The following ANKRD44 variants were observed in gnomAD, a reference collection of about 807,000 sequenced individuals.
ANKRD44 encodes the protein serine/threonine-protein phosphatase 6 regulatory ankyrin repeat subunit B.
In ANKRD44, 35 loss-of-function variants were observed where a neutral mutation model predicts 116.0. The observed-to-expected ratio is 0.30, with a 90% CI of 0.23 to 0.40. The LOEUF is 0.40. Ranked by LOEUF, ANKRD44 falls within the 10% of genes least tolerant of loss-of-function variation. ANKRD44 has a pLI of 1.00. For missense variants in ANKRD44, 1,014 were observed against 1,242.6 expected (o/e 0.82, Z 2.77); for synonymous variants, 435 against 461.8 (o/e 0.94, Z 0.74).
At chr2:196,982,945 CAT>C (rs1385953171), downstream of ANKRD44, among the ~76,000 whole-genome samples, 1 of 152,148 alleles carries the variant, frequency 6.6e-6, no homozygotes, top group African/African-American at 2.4e-5. Context: ...TCAAACACCA[CAT>C]GTTCTCACTC....
intron 9 of ANKRD44, among the ~76,000 whole-genome samples, chr2:197,103,825 T>G (rs1429940420): frequency 6.6e-6 from 1 of 152,162 alleles, no homozygotes; most frequent in African/African-American, 2.4e-5. Flanking sequence ...TTCCTCCCAG[T>G]TGTATGTATG....
chr2:197,102,969 C>T (rs2078330766), intron 9 of ANKRD44, among the ~76,000 whole-genome samples: 1 of 151,952 alleles, frequency 6.6e-6, no homozygotes, highest in Non-Finnish European at 1.5e-5. Flanking sequence ...GTGGCTCATG[C>T]CTGTAATCCC....
intron 2 of ANKRD44, among the ~76,000 whole-genome samples, chr2:197,170,190 C>CAAAAAAAAAAAAAAAAAA (rs71012960): frequency 8.3e-6 from 1 of 119,786 alleles, no homozygotes. Flanking sequence ...ACCCTGTTTC[C>CAAAAAAAAAAAAAAAAAA]AAAAAAAAAA....
chr2:197,041,235 T>C (rs535897820), intron 16 of ANKRD44, among the ~76,000 whole-genome samples: 1 of 152,272 alleles, frequency 6.6e-6, no homozygotes, highest in South Asian at 2.1e-4. Flanking sequence ...TCCAATGAAC[T>C]CTTCTTAGGC....
At chr2:197,280,638 C>G (rs2083236768) in intron 1 of ANKRD44, among the ~76,000 whole-genome samples, 2 of 152,152 alleles carry the variant, frequency 1.3e-5, no homozygotes, top group Admixed American at 6.5e-5. Flanking sequence ...TCTTGATAAG[C>G]CTCGCGGATG....
At chr2:197,289,204 T>C (rs766503198) in intron 1 of ANKRD44, among the ~76,000 whole-genome samples, 3 of 151,994 alleles carry the variant, frequency 2.0e-5, no homozygotes, top group Admixed American at 6.6e-5. Context: ...AAAGAAAAAA[T>C]ACCAAAAAAC....
At chr2:197,009,461 C>T (rs1221393854) in intron 18 of ANKRD44, among the ~76,000 whole-genome samples, 7 of 151,934 alleles carry the variant, frequency 4.6e-5, no homozygotes, top group Admixed American at 3.9e-4. Context: ...CTGCAACCTC[C>T]GCCTCCCGAG....
rs1368550050 is a variant in ANKRD44 at position 197,078,771 on chromosome 2, G to A, written c.1582C>T (p.Arg528Trp). 15 of 1,612,616 alleles carry A rather than the reference G, an allele frequency of 9.3e-6. No homozygotes were observed. The highest frequency in any genetic ancestry group is 1.6e-4 in the Middle Eastern group (1 of 6,076). Reference sequence around the variant, plus strand: ...ATGCTATTGTAACCTTCCTTGTCCCGGATAGATGGATTTGCATCATTTTGA... The same window carrying A: ...ATGCTATTGTAACCTTCCTTGTCCCAGATAGATGGATTTGCATCATTTTGA... ...LLQNDANPSIRDKEGYNSIHY... is the reference protein window; with the variant it reads ...LLQNDANPSIWDKEGYNSIHY... Residue 528 changes from arginine to tryptophan, a missense_variant, in exon 16 of 28, where the codon CGG becomes TGG. Coordinates refer to ENST00000282272, the MANE Select transcript of ANKRD44 (RefSeq NM_001195144.2).
chr2:197,165,427 G>A (rs1345587670), intron 2 of ANKRD44, among the ~76,000 whole-genome samples: 1 of 152,216 alleles, frequency 6.6e-6, no homozygotes, highest in Non-Finnish European at 1.5e-5. Context: ...ACAGCCACTT[G>A]TAATTTCTGG....
In ANKRD44 at chr2:197,162,009, C is replaced by T. The variant is rs557650843; in HGVS notation, c.112-14904G>A. On this transcript the variant is annotated intron_variant, in intron 2 of 27. Transcript: ENST00000282272. ...GTCTCGTGACTTGGAGGGTCTGCTC[C>T]TCTATCACCTACCTTCTTTCCACCA... is the stretch of plus-strand genomic sequence containing the variant. Among the ~76,000 whole-genome samples the T allele has an allele frequency of 1.1e-4, 16 of 152,298 alleles. No individual in the cohort carries two copies. The South Asian group carries it at 1.2e-3, about 12-fold the overall frequency.
intron 2 of ANKRD44, among the ~76,000 whole-genome samples, chr2:197,153,444 G>A (rs2079715687): frequency 6.6e-6 from 1 of 151,920 alleles, no homozygotes; most frequent in African/African-American, 2.4e-5. Context: ...AAGAAACTCT[G>A]AACACATACA....
intron 16 of ANKRD44, among the ~76,000 whole-genome samples, chr2:197,037,552 A>G (rs137863101): frequency 1.3e-5 from 2 of 152,366 alleles, no homozygotes; most frequent in East Asian, 3.9e-4. Context: ...TAATTATTGG[A>G]TGATAACACA....
chr2:197,246,817 G>C (rs2082203616), intron 1 of ANKRD44, among the ~76,000 whole-genome samples: 1 of 152,200 alleles, frequency 6.6e-6, no homozygotes, highest in East Asian at 1.9e-4. Flanking sequence ...CCATTTTAGA[G>C]ATGAGGAAAC....
At chr2:197,223,043 C>A (rs963019714) in intron 1 of ANKRD44, among the ~76,000 whole-genome samples, 20 of 152,180 alleles carry the variant, frequency 1.3e-4, no homozygotes, top group African/African-American at 4.1e-4. Context: ...GAACTCCTGA[C>A]CTCAAGTAAT....
chr2:197,151,368 G>A (rs1425310019), intron 2 of ANKRD44, among the ~76,000 whole-genome samples: 1 of 152,202 alleles, frequency 6.6e-6, no homozygotes, highest in Non-Finnish European at 1.5e-5. Context: ...GAATGAGATG[G>A]AGAACAGGGA....
chr2:196,970,295 G>GC (rs2075706252), intron 21 of ANKRD44, among the ~76,000 whole-genome samples: 1 of 152,204 alleles, frequency 6.6e-6, no homozygotes, highest in South Asian at 2.1e-4. Context: ...GTGGGTAGTT[G>GC]GCAGTTTCTC....
At chr2:197,036,772 T>C (rs2076816301) in intron 16 of ANKRD44, among the ~76,000 whole-genome samples, 1 of 152,204 alleles carries the variant, frequency 6.6e-6, no homozygotes, top group Non-Finnish European at 1.5e-5. Context: ...GAATGCAACA[T>C]GCAAAATGCA....
Position 197,155,903 on chromosome 2 carries a change from TAAAGCATATATTGGATAA to T in ANKRD44, c.112-8816_112-8799del, listed in dbSNP as rs1348143398. ...GCCACAGACTGGGGGAACATATTTG[TAAAGCATATATTGGATAA>T]AGGACTTCTATCTAGAACCTACAAA... On this transcript the variant is annotated intron_variant, in intron 2 of 27. Transcript: ENST00000282272. 2.6e-5 allele frequency among the ~76,000 whole-genome samples: 4 copies of T among 152,302 alleles called. No individual in the cohort carries two copies. The East Asian group carries it at 7.7e-4, about 29-fold the overall frequency.
intron 16 of ANKRD44, among the ~76,000 whole-genome samples, chr2:197,068,386 A>AT (rs1216049325): frequency 6.9e-5 from 3 of 43,578 alleles, no homozygotes; most frequent in East Asian, 7.6e-3. Context: ...AAAGAAAAAA[A>AT]TAAAAAAAAA....
Sources: allele counts gnomAD v4.1 joint callset (sites outside exome capture counted in the v4.1 genomes callset), GRCh38; gene constraint gnomAD v4.1.1; transcripts MANE v1.5; gene names NCBI Gene and HGNC (gene_info 2026-07-23, HGNC 2026-07-21).